Variants in CAMK4 observed in about 807,000 individuals in gnomAD.
CAMK4 encodes calcium/calmodulin dependent protein kinase IV.
CAMK4 carries 22 observed loss-of-function variants against 44.9 expected under a neutral mutation model. That is an observed-to-expected ratio of 0.49 (90% CI 0.35 to 0.70). CAMK4 has a LOEUF of 0.70. Among genes scored for constraint, CAMK4 ranks in the 30% least tolerant of loss-of-function variants. The pLI is 0.01. For synonymous variants in CAMK4, 218 were observed against 215.4 expected (o/e 1.01, Z -0.11); for missense variants, 498 against 586.8 (o/e 0.85, Z 1.56).
At chr5:111,349,963 A>G (rs985139961) in intron 2 of CAMK4, among the ~76,000 whole-genome samples, 1 of 151,990 alleles carries the variant, frequency 6.6e-6, no homozygotes, top group South Asian at 2.1e-4. Flanking sequence ...TGAGTCTGAG[A>G]TCTAATCTCC....
At chr5:111,279,591 T>G (rs1369326710) in intron 1 of CAMK4, among the ~76,000 whole-genome samples, 1 of 152,258 alleles carries the variant, frequency 6.6e-6, no homozygotes, top group Non-Finnish European at 1.5e-5. Context: ...GTACAGTTAA[T>G]TCAGCAAATC....
Position 111,224,411 on chromosome 5 carries a change from C to T in CAMK4, c.-73C>T, listed in dbSNP as rs898223578. ...CTCTCGCTCCTGCGTTCGCAGGCGG[C>T]GGCTGGCGGCCGGCTTCTCGCTCGG... On this transcript the variant is annotated 5_prime_UTR_variant, in exon 1 of 11. Transcript: ENST00000282356. This position sits in a 1 kb window ranked among gnomAD's most constrained non-coding sequence, Gnocchi z 5.7. 28 of 1,484,286 alleles carry T rather than the reference C, an allele frequency of 1.9e-5. No individual in the cohort carries two copies. Among genetic ancestry groups the T allele is most frequent in the Non-Finnish European group, 2.5e-5 (28 of 1,121,608 alleles). The allele number at this position is 1,484,286 out of a possible 1,614,324, so 91.9% of individuals were successfully genotyped here.
At chr5:111,350,641 G>A (rs1012417591) in intron 2 of CAMK4, among the ~76,000 whole-genome samples, 1 of 151,890 alleles carries the variant, frequency 6.6e-6, no homozygotes, top group East Asian at 1.9e-4. Context: ...ACGGTTCCAG[G>A]TCTAATTTTT....
intron 5 of CAMK4, among the ~76,000 whole-genome samples, chr5:111,429,991 C>CA (rs1293786916): frequency 6.7e-6 from 1 of 149,528 alleles, no homozygotes; most frequent in African/African-American, 2.4e-5. Flanking sequence ...TCCCTGATAC[C>CA]AAAACCAGAC....
At chr5:111,375,869 A>G (rs1015251878) in intron 3 of CAMK4, among the ~76,000 whole-genome samples, 1 of 152,026 alleles carries the variant, frequency 6.6e-6, no homozygotes, top group Non-Finnish European at 1.5e-5. Context: ...CATCACATCT[A>G]TATTCAAAAT....
chr5:111,464,003 A>G (rs1001559014), intron 7 of CAMK4, among the ~76,000 whole-genome samples: 6 of 152,046 alleles, frequency 3.9e-5, no homozygotes, highest in Non-Finnish European at 7.4e-5. Flanking sequence ...AAATCCCTGA[A>G]TTGGCAGAAA....
rs1748093201 is a variant in CAMK4, at chr5:111,224,729, G to C, written c.161+85G>C. ...CAGCGACGGCTCGGAGGGTGCGGGA[G>C]CCTGCCTTCGTGCCCTTCGATTTCT... is the stretch of plus-strand genomic sequence containing the variant. On this transcript the variant is annotated intron_variant, in intron 1 of 10. Coordinates refer to ENST00000282356, the MANE Select transcript of CAMK4 (RefSeq NM_001744.6). This position sits in a 1 kb window ranked among gnomAD's most constrained non-coding sequence, Gnocchi z 5.7. 2 of 1,342,438 alleles carry C rather than the reference G, an allele frequency of 1.5e-6. No homozygotes were observed. The highest frequency in any genetic ancestry group is 2.2e-5 in the Admixed American group (1 of 45,092). 83.2% of individuals were successfully genotyped at this position (1,342,438 alleles called of 1,614,324 possible).
At chr5:111,273,677 T>TTATATATATATATATA (rs1160351356) in intron 1 of CAMK4, among the ~76,000 whole-genome samples, 5 of 41,122 alleles carry the variant, frequency 1.2e-4, no homozygotes, top group Admixed American at 2.6e-4. Flanking sequence ...AAAAATGCAT[T>TTATATATATATATATA]TATATATATA....
chr5:111,336,424 T>C lies in CAMK4; in HGVS notation c.162-7600T>C, dbSNP rs1580612047. On this transcript the variant is annotated intron_variant, in intron 1 of 10. Coordinates refer to ENST00000282356, the MANE Select transcript of CAMK4 (RefSeq NM_001744.6). ...ACATGCTGAAAATGTGATTGCTTTC[T>C]AAAATTATATTTACACACTTAAGTC... Among the ~76,000 whole-genome samples the C allele has an allele frequency of 2.0e-5, 3 of 151,178 alleles. No homozygotes were observed. The Admixed American group carries it at 2.0e-4, about 10-fold the overall frequency.
chr5:111,338,919 T>C (rs1224388977), intron 1 of CAMK4, among the ~76,000 whole-genome samples: 1 of 151,444 alleles, frequency 6.6e-6, no homozygotes, highest in East Asian at 2.0e-4. Context: ...TTATTCTTTT[T>C]TGCTTTGGCT....
intron 5 of CAMK4, among the ~76,000 whole-genome samples, chr5:111,435,354 A>G (rs982021346): frequency 6.6e-6 from 1 of 152,078 alleles, no homozygotes; most frequent in African/African-American, 2.4e-5. Context: ...AGTACATTCC[A>G]AATATCTACT....
chr5:111,356,536 T>G (rs1363671210), intron 2 of CAMK4, among the ~76,000 whole-genome samples: 146 of 152,102 alleles, frequency 9.6e-4, no homozygotes, highest in Non-Finnish European at 1.5e-3. Context: ...TTTTGGCTTT[T>G]GTTACCATTG....
intron 1 of CAMK4, among the ~76,000 whole-genome samples, chr5:111,267,925 G>T (rs1750335815): frequency 6.6e-6 from 1 of 152,140 alleles, no homozygotes; most frequent in Non-Finnish European, 1.5e-5. Context: ...TTATTTATTT[G>T]TCTGGGTAGC....
At position 111,488,869 on chromosome 5, in the gene CAMK4, A is replaced by G. The variant is rs1161596780; in HGVS notation, c.*4403A>G. ...ATTATGTCACTTATTTGTCATTGCA[A>G]AGTATTCAGTCATGTTGTCTAGATT... On this transcript the variant is annotated 3_prime_UTR_variant, in exon 11 of 11. Transcript: ENST00000282356. 1 of 152,174 alleles carries G rather than the reference A, an allele frequency of 6.6e-6. No homozygotes were observed. Among genetic ancestry groups the G allele is most frequent in the African/African-American group, 2.4e-5 (1 of 41,438 alleles). 9.4% of individuals were successfully genotyped at this position (152,174 alleles called of 1,614,324 possible).
intron 1 of CAMK4, among the ~76,000 whole-genome samples, chr5:111,271,178 A>C (rs1750498967): frequency 6.6e-6 from 1 of 152,224 alleles, no homozygotes; most frequent in African/African-American, 2.4e-5. Flanking sequence ...GTGGGGACAC[A>C]GAGCCAAACC....
rs1441806364 is a variant in CAMK4, at chr5:111,224,418, C to T, written c.-66C>T. The T allele has an allele frequency of 2.0e-6, 3 of 1,498,176 alleles. No homozygotes were observed. Among genetic ancestry groups the T allele is most frequent in the East Asian group, 2.8e-5 (1 of 36,130 alleles). 92.8% of individuals were successfully genotyped at this position (1,498,176 alleles called of 1,614,324 possible). On this transcript the variant is annotated 5_prime_UTR_variant, in exon 1 of 11. Coordinates refer to ENST00000282356, the MANE Select transcript of CAMK4 (RefSeq NM_001744.6). This position sits in a 1 kb window ranked among gnomAD's most constrained non-coding sequence, Gnocchi z 5.7. ...TCCTGCGTTCGCAGGCGGCGGCTGGCGGCCGGCTTCTCGCTCGGGCAGCGG... is the reference window on the plus strand; with the variant it reads ...TCCTGCGTTCGCAGGCGGCGGCTGGTGGCCGGCTTCTCGCTCGGGCAGCGG...
rs746112718 is a variant in CAMK4 at position 111,484,056 on chromosome 5, C to T, written c.1012C>T (p.Arg338Cys). 6.2e-6 allele frequency: 10 copies of T among 1,604,002 alleles called. No homozygotes were observed. In the Admixed American group the frequency reaches 6.8e-5, roughly 11 times the overall value. ...AAVKAVVASSRLGSASSSHGS... is the reference protein window; with the variant it reads ...AAVKAVVASSCLGSASSSHGS... ...GGTGAAGGCTGTGGTGGCCTCTTCG[C>T]GCCTGGGAAGTGCCAGCAGCAGCCA... The change falls in exon 11 of 11, where the codon CGC becomes TGC. Residue 338 changes from arginine to cysteine, a missense_variant. By Grantham distance (180) the Arg-to-Cys change is radical. Transcript: ENST00000282356. The surrounding 1 kb of genome is among the most constrained non-coding windows in gnomAD (Gnocchi z 5.3).
chr5:111,345,415 A>G (rs1749824730), intron 2 of CAMK4, among the ~76,000 whole-genome samples: 1 of 151,950 alleles, frequency 6.6e-6, no homozygotes. Flanking sequence ...CAGTCATAAA[A>G]TTTATCTGAA....
intron 5 of CAMK4, among the ~76,000 whole-genome samples, chr5:111,414,694 G>C (rs1444249356): frequency 6.6e-6 from 1 of 151,968 alleles, no homozygotes; most frequent in Non-Finnish European, 1.5e-5. Flanking sequence ...CAAATAAAAA[G>C]TATTTTAAAA....
Sources: allele counts gnomAD v4.1 joint callset (sites outside exome capture counted in the v4.1 genomes callset), GRCh38; gene constraint gnomAD v4.1.1; non-coding constraint Gnocchi (gnomAD v3.1); transcripts MANE v1.5; gene names NCBI Gene and HGNC (gene_info 2026-07-23, HGNC 2026-07-21).